The following PROSER1 variants were observed in gnomAD, a reference collection of about 807,000 sequenced individuals.
PROSER1 encodes proline and serine-rich protein 1.
Under a neutral mutation model 71.8 loss-of-function variants are expected in PROSER1, and 36 were observed. That is an observed-to-expected ratio of 0.50 (90% confidence interval 0.38 to 0.66). The LOEUF (loss-of-function observed/expected upper bound fraction) is 0.66, where lower values mean the gene tolerates loss of function less well. Ranked by LOEUF, PROSER1 falls within the 30% of genes least tolerant of loss-of-function variation. PROSER1 has a pLI of 0.00. For missense variants in PROSER1, 1,107 were observed against 1,135.0 expected, an observed-to-expected ratio of 0.98 and a Z score of 0.35; for synonymous variants, 490 against 452.4, an observed-to-expected ratio of 1.08 and a Z score of -1.06.
In PROSER1 at chr13:39,037,185, T is replaced by C; in HGVS notation, c.45+13A>G. ...TCATCTCATAAAATAATTCATGGAATCGGTCTAATTACCTTTCTAATTTCA... is the reference window on the plus strand; with the variant it reads ...TCATCTCATAAAATAATTCATGGAACCGGTCTAATTACCTTTCTAATTTCA... On this transcript the variant is annotated intron_variant, in intron 1 of 12. Transcript: ENST00000352251. 4 of 1,565,094 alleles carry C rather than the reference T, an allele frequency of 2.6e-6. No homozygotes were observed. Among genetic ancestry groups the C allele is most frequent in the Non-Finnish European group, 2.6e-6 (3 of 1,135,340 alleles).
At chr13:39,028,374 G>C in intron 4 of PROSER1, 54 bp from the exon 5 acceptor site, 1 of 1,010,112 alleles carries the variant, frequency 9.9e-7, no homozygotes, top group Non-Finnish European at 1.5e-6. Context: ...CATACATCGA[G>C]GTAAGCAACC....
At chr13:39,029,189 T>C (rs1047341992) in intron 4 of PROSER1, 92 bp downstream of exon 4, 2 of 674,970 alleles carry the variant, frequency 3.0e-6, no homozygotes, top group Non-Finnish European at 4.9e-6. Context: ...TGTATTTTGT[T>C]AGACACATTA....
chr13:39,037,551 C>T lies in PROSER1; in HGVS notation c.-309G>A, dbSNP rs752001562. ...GGTCCTCTGAGTTTTGCAGAAAAAC[C>T]CGGGCTCGGCGGCAGGTTTGAGTGC... On this transcript the variant is annotated 5_prime_UTR_variant, in exon 1 of 13. Transcript: ENST00000352251. 1.5e-5 allele frequency: 4 copies of T among 264,564 alleles called. No individual in the cohort carries two copies. Among genetic ancestry groups the T allele is most frequent in the Non-Finnish European group, 2.8e-5 (4 of 140,772 alleles). The allele number at this position is 264,564 out of a possible 1,614,324, so 16.4% of individuals were successfully genotyped here. A position where few individuals can be genotyped will look rare whatever the true frequency, so the allele number is the denominator to read the frequency against.
At chr13:39,016,923 A>C (rs1282228383) in intron 10 of PROSER1, among the ~76,000 whole-genome samples, 2 of 152,180 alleles carry the variant, frequency 1.3e-5, no homozygotes, top group South Asian at 2.1e-4. Flanking sequence ...CTCATACAAG[A>C]AAGCCTCTCC....
chr13:39,031,667 T>A (rs769387675), intron 2 of PROSER1, 36 bp from the exon 3 acceptor site: 1 of 1,558,894 alleles, frequency 6.4e-7, no homozygotes, highest in East Asian at 2.2e-5. Context: ...AATGACAGCA[T>A]GTTTGCAAAC....
At chr13:39,018,313 T>C (rs1199904159) in intron 9 of PROSER1, among the ~76,000 whole-genome samples, 2 of 152,034 alleles carry the variant, frequency 1.3e-5, no homozygotes, top group Non-Finnish European at 2.9e-5. Flanking sequence ...AAACCAATAC[T>C]GTGACAGGCA....
chr13:39,032,367 A>G (rs1870888389), intron 2 of PROSER1, among the ~76,000 whole-genome samples: 1 of 152,186 alleles, frequency 6.6e-6, no homozygotes, highest in South Asian at 2.1e-4. Flanking sequence ...GCATTATGAG[A>G]TAGCCAGTAA....
chr13:39,021,389 G>C (rs1299462154), intron 9 of PROSER1, among the ~76,000 whole-genome samples: 2 of 151,922 alleles, frequency 1.3e-5, no homozygotes, highest in African/African-American at 4.8e-5. Context: ...AAGTCCCCCA[G>C]CTCTCTTCAA....
Position 39,011,501 on chromosome 13 carries a change from G to A in PROSER1, c.2713-14C>T. 1 of 1,613,176 alleles carries A rather than the reference G, an allele frequency of 6.2e-7. No individual in the cohort carries two copies. Among genetic ancestry groups the A allele is most frequent in the Non-Finnish European group, 8.5e-7 (1 of 1,179,908 alleles). ...AGCTGAATGGACCTGATGGAAAGAA[G>A]AGCGTGTGGTTTAGCAGAGTGCCAA... On this transcript the variant is annotated splice_polypyrimidine_tract_variant and intron_variant, in intron 12 of 12. Transcript: ENST00000352251.
intron 1 of PROSER1, among the ~76,000 whole-genome samples, chr13:39,034,580 T>C (rs1359526442): frequency 6.6e-6 from 1 of 152,236 alleles, no homozygotes; most frequent in Non-Finnish European, 1.5e-5. Flanking sequence ...ATATCAGATG[T>C]TACTCATTCA....
chr13:39,034,128 T>C lies in PROSER1; in HGVS notation c.111+3A>G. Reference sequence around the variant, plus strand: ...CTTTGTTTAAACAAATAATGAGGAATACCTGTTCACTAGAAAAGTATCCAT... The same window carrying C: ...CTTTGTTTAAACAAATAATGAGGAACACCTGTTCACTAGAAAAGTATCCAT... On this transcript the variant is annotated splice_donor_region_variant and intron_variant, in intron 2 of 12. Coordinates refer to ENST00000352251, the MANE Select transcript of PROSER1 (RefSeq NM_025138.5). 6.4e-7 allele frequency: 1 copy of C among 1,566,018 alleles called. No homozygotes were observed. Among genetic ancestry groups the C allele is most frequent in the Non-Finnish European group, 8.6e-7 (1 of 1,156,790 alleles).
rs144439517 is a variant in PROSER1 at position 39,013,710 on chromosome 13, G to A, written c.1542C>T (p.Ala514=). Reference sequence around the variant, plus strand: ...CTGATGGGGCATAGCACTTGTTAGGGGCTGAAGCAGAAGAGTCAGAGTTCT... The same window carrying A: ...CTGATGGGGCATAGCACTTGTTAGGAGCTGAAGCAGAAGAGTCAGAGTTCT... ...TLQNSDSSAS[A]PNKCYAPSAI... is the part of the protein sequence containing the mutation. Residue 514 remains alanine (A), a synonymous_variant, in exon 11 of 13, where the codon GCC becomes GCT. Coordinates refer to ENST00000352251, the MANE Select transcript of PROSER1 (RefSeq NM_025138.5). 91 of 1,614,168 alleles carry A rather than the reference G, an allele frequency of 5.6e-5. No homozygotes were observed. The African/African-American group carries it at 1.1e-3, about 19-fold the overall frequency.
chr13:39,021,362 A>G (rs985579603), intron 9 of PROSER1, among the ~76,000 whole-genome samples: 4 of 152,180 alleles, frequency 2.6e-5, no homozygotes, highest in Non-Finnish European at 5.9e-5. Flanking sequence ...GATTCTTAAT[A>G]AAAGTTTAGA....
chr13:39,032,166 T>G (rs1234892749), intron 2 of PROSER1, among the ~76,000 whole-genome samples: 1 of 152,114 alleles, frequency 6.6e-6, no homozygotes, highest in Non-Finnish European at 1.5e-5. Context: ...CCACTAACTT[T>G]AGTCCTAGTA....
intron 3 of PROSER1, among the ~76,000 whole-genome samples, chr13:39,029,758 CAGTT>C (rs961727475): frequency 2.6e-5 from 4 of 152,080 alleles, no homozygotes; most frequent in African/African-American, 9.7e-5. Context: ...CTATACTCCT[CAGTT>C]AGAGGGCTAA....
chr13:39,036,151 G>A (rs1871088646), intron 1 of PROSER1, among the ~76,000 whole-genome samples: 1 of 152,086 alleles, frequency 6.6e-6, no homozygotes, highest in African/African-American at 2.4e-5. Context: ...CAAATTTCTA[G>A]GCATATAATT....
intron 1 of PROSER1, among the ~76,000 whole-genome samples, chr13:39,036,466 G>A (rs777321245): frequency 5.9e-5 from 9 of 152,142 alleles, no homozygotes; most frequent in Non-Finnish European, 1.0e-4. Context: ...AAAGCACCGT[G>A]TGTTGATGTA....
rs1030630096 is a variant in PROSER1 at position 39,010,280 on chromosome 13, ATAAAAG to A, written c.*1079_*1084del. 8 of 152,782 alleles carry A rather than the reference ATAAAAG, an allele frequency of 5.2e-5. No individual in the cohort carries two copies. Among genetic ancestry groups the A allele is most frequent in the African/African-American group, 1.9e-4 (8 of 41,578 alleles). The allele number at this position is 152,782 out of a possible 1,614,324, so 9.5% of individuals were successfully genotyped here. ...GCAACATCTTCCGGACACCATCTTT[ATAAAAG>A]TAAAACTTCTAGATCCTGAAATGTA... On this transcript the variant is annotated 3_prime_UTR_variant, in exon 13 of 13. Transcript: ENST00000352251.
chr13:39,035,535 C>G (rs1187864836), intron 1 of PROSER1, among the ~76,000 whole-genome samples: 1 of 152,216 alleles, frequency 6.6e-6, no homozygotes, highest in African/African-American at 2.4e-5. Context: ...GGAGAAAGTG[C>G]TTAAAAACAG....
Sources: allele counts gnomAD v4.1 joint callset (sites outside exome capture counted in the v4.1 genomes callset), GRCh38; gene constraint gnomAD v4.1.1; transcripts MANE v1.5; gene names NCBI Gene and HGNC (gene_info 2026-07-23, HGNC 2026-07-21).